Variants in DDX18 observed in about 807,000 individuals in gnomAD.
The protein encoded by DDX18 is DEAD-box helicase 18, also known as ATP-dependent RNA helicase DDX18.
DDX18 carries 23 observed loss-of-function variants against 73.5 expected under a neutral mutation model. That is an observed-to-expected ratio of 0.31 (90% CI 0.23 to 0.44). The LOEUF (loss-of-function observed/expected upper bound fraction) is 0.44. Ranked by LOEUF, DDX18 falls within the 20% of genes least tolerant of loss-of-function variation. DDX18 has a pLI of 1.00. For missense variants in DDX18, 753 were observed against 792.9 expected, an observed-to-expected ratio of 0.95 and a Z score of 0.60; for synonymous variants, 268 against 282.7, an observed-to-expected ratio of 0.95 and a Z score of 0.52.
At position 117,824,570 on chromosome 2, in the gene DDX18, A is replaced by G. The variant is rs1417066390; in HGVS notation, c.1068A>G (p.Thr356=). Residue 356 remains threonine, a splice_region_variant and synonymous_variant, in exon 8 of 14, where the codon ACA becomes ACG. Transcript: ENST00000263239. ...TATTTTTATATGTATCTGTTTCAGC[A>G]CGTAGACAGACTATGCTCTTTTCTG... The part of the protein sequence containing the change: ...ELKQIIKLLP[T]RRQTMLFSAT... 7 of 1,434,042 alleles carry G rather than the reference A, an allele frequency of 4.9e-6. No individual in the cohort carries two copies. The highest frequency in any genetic ancestry group is 6.4e-6 in the Non-Finnish European group (7 of 1,090,936). 88.8% of individuals were successfully genotyped at this position (1,434,042 alleles called of 1,614,324 possible).
At position 117,829,522 on chromosome 2, in the gene DDX18, G is replaced by A. The variant is rs878870514; in HGVS notation, c.1870+56G>A. 26 of 1,504,372 alleles carry A rather than the reference G, an allele frequency of 1.7e-5. No homozygotes were observed. The South Asian group carries it at 3.2e-4, about 19-fold the overall frequency. 93.2% of individuals were successfully genotyped at this position (1,504,372 alleles called of 1,614,324 possible). On this transcript the variant is annotated intron_variant, in intron 13 of 13. Coordinates refer to ENST00000263239, the MANE Select transcript of DDX18 (RefSeq NM_006773.4). Reference sequence around the variant, plus strand: ...GACTAAGGAACAAAAGCTTGACAGAGGGGCATTTGGGGCTTTGCAGTGGAT... The same window carrying A: ...GACTAAGGAACAAAAGCTTGACAGAAGGGCATTTGGGGCTTTGCAGTGGAT...
intron 11 of DDX18, chr2:117,827,915 A>G (rs1679960717): frequency 6.6e-6 from 1 of 152,192 alleles, no homozygotes; most frequent in South Asian, 2.1e-4. Context: ...GTCTTCCACA[A>G]TGGATGAACT....
chr2:117,823,650 CTGCCTGAT>C (rs940502556), intron 7 of DDX18, among the ~76,000 whole-genome samples: 1 of 151,604 alleles, frequency 6.6e-6, no homozygotes, highest in African/African-American at 2.4e-5. Flanking sequence ...TTTTTTTTTC[CTGCCTGAT>C]TGCCCTGGCC....
In DDX18 at chr2:117,814,700, CGGAA is replaced by C; in HGVS notation, c.-75_-72del. Reference sequence around the variant, plus strand: ...GTTGGCCGAGCTGCGCACGTGCGGCCGGAAGGGAAGTAACGTCAGCCTGAGAACT... The same window carrying C: ...GTTGGCCGAGCTGCGCACGTGCGGCCGGGAAGTAACGTCAGCCTGAGAACT... On this transcript the variant is annotated 5_prime_UTR_variant, in exon 1 of 14. Transcript: ENST00000263239. 6.8e-6 allele frequency: 10 copies of C among 1,460,310 alleles called. No homozygotes were observed. Among genetic ancestry groups the C allele is most frequent in the Non-Finnish European group, 9.5e-6 (10 of 1,056,558 alleles). 90.5% of individuals were successfully genotyped at this position (1,460,310 alleles called of 1,614,324 possible). A position where few individuals can be genotyped will look rare whatever the true frequency, so the allele number is the denominator to read the frequency against.
intron 1 of DDX18, chr2:117,815,140 C>T: frequency 2.3e-6 from 1 of 431,014 alleles, no homozygotes; most frequent in South Asian, 3.2e-5. Context: ...ACGACTAACC[C>T]TGCCTTTTGC....
chr2:117,817,032 A>G (rs191741228), intron 1 of DDX18, among the ~76,000 whole-genome samples: 29 of 152,368 alleles, frequency 1.9e-4, no homozygotes, highest in African/African-American at 6.7e-4. Context: ...AAGTGGTATG[A>G]AAAATAGTAC....
chr2:117,827,289 G>A (rs1679945675), intron 11 of DDX18: 1 of 152,148 alleles, frequency 6.6e-6, no homozygotes, highest in South Asian at 2.1e-4. Context: ...CTGCCTCCTT[G>A]TTCCCACAGC....
chr2:117,830,749 A>G lies in DDX18; in HGVS notation c.*25A>G, dbSNP rs1429653264. ...AACACATGCCTTCCTTTCATCTTGA[A>G]TAACTTTGTCCTAAAATGAATTTTT... On this transcript the variant is annotated 3_prime_UTR_variant, in exon 14 of 14. Coordinates refer to ENST00000263239, the MANE Select transcript of DDX18 (RefSeq NM_006773.4). 1.9e-6 allele frequency: 3 copies of G among 1,605,278 alleles called. No homozygotes were observed. The highest frequency in any genetic ancestry group is 2.2e-5 in the East Asian group (1 of 44,750).
chr2:117,823,378 T>C (rs938601606), intron 7 of DDX18, among the ~76,000 whole-genome samples: 6 of 152,186 alleles, frequency 3.9e-5, no homozygotes, highest in African/African-American at 1.4e-4. Context: ...TTCACATCTT[T>C]TGTCAGATTT....
rs539224658 is a variant in DDX18 at position 117,824,168 on chromosome 2, A to G, written c.1067-401A>G. Among the ~76,000 whole-genome samples the G allele has an allele frequency of 2.0e-5, 3 of 152,346 alleles. No homozygotes were observed. The East Asian group carries it at 5.8e-4, about 29-fold the overall frequency. On this transcript the variant is annotated intron_variant, in intron 7 of 13. Coordinates refer to ENST00000263239, the MANE Select transcript of DDX18 (RefSeq NM_006773.4). ...GACTGACTTCGAAGAATGAGTTGACATGTAAGCCCTCTTTTTAATTTATTG... is the reference window on the plus strand; with the variant it reads ...GACTGACTTCGAAGAATGAGTTGACGTGTAAGCCCTCTTTTTAATTTATTG...
rs1421308602 is a variant in DDX18, at chr2:117,817,652, A to G, written c.294A>G (p.Ala98=). The change falls in exon 2 of 14, where the codon GCA becomes GCG. Residue 98 remains alanine (A), a synonymous_variant. Transcript: ENST00000263239. ...CCACTGTATTAACCAATGGAGAAGC[A>G]GCAATGCAGTCTTCCAATTCAGAAT... The part of the protein sequence containing the change: ...QKSTVLTNGE[A]AMQSSNSESK... 2 of 1,613,022 alleles carry G rather than the reference A, an allele frequency of 1.2e-6. No homozygotes were observed. The highest frequency in any genetic ancestry group is 1.7e-6 in the Non-Finnish European group (2 of 1,179,728).
Position 117,817,594 on chromosome 2 carries a change from G to T in DDX18, c.236G>T (p.Gly79Val). Residue 79 changes from glycine (G) to valine (V), a missense_variant, in exon 2 of 14, where the codon GGA becomes GTA. Physicochemically the swap from Gly to Val is moderately radical, Grantham distance 109. Around this residue, in one of 3 missense-constraint regions of DDX18, gnomAD observed 345 missense variants for 352.0 expected, o/e 0.98. Transcript: ENST00000263239. ...QNGGMSQEAV[G>V]NIKVTKSPQK... Reference sequence around the variant, plus strand: ...GGAGGCATGTCTCAAGAAGCAGTGGGAAATATAAAAGTTACAAAGTCTCCC... The same window carrying T: ...GGAGGCATGTCTCAAGAAGCAGTGGTAAATATAAAAGTTACAAAGTCTCCC... The T allele has an allele frequency of 1.9e-6, 3 of 1,613,934 alleles. No individual in the cohort carries two copies. In the African/African-American group the frequency reaches 4.0e-5, roughly 22 times the overall value.
chr2:117,826,084 T>C (rs1679922679), intron 10 of DDX18, 185 bp from the exon 11 acceptor site: 1 of 179,916 alleles, frequency 5.6e-6, no homozygotes, highest in Admixed American at 7.2e-5. Flanking sequence ...ATTGGCCTAT[T>C]GGGGGTGATG....
intron 3 of DDX18, among the ~76,000 whole-genome samples, chr2:117,820,038 T>C (rs1163773279): frequency 6.6e-6 from 1 of 152,254 alleles, no homozygotes; most frequent in East Asian, 1.9e-4. Flanking sequence ...ATATGCACAC[T>C]AGCAGCTTCT....
Position 117,829,023 on chromosome 2 carries a change from G to A in DDX18, c.1692+18G>A, listed in dbSNP as rs746700355. ...AGTCTCAGGTATGTGCTTTTTAAAC[G>A]TTTGTGAGTAAACAGGAACCTTGTC... is the stretch of plus-strand genomic sequence containing the variant. On this transcript the variant is annotated intron_variant, in intron 12 of 13. Coordinates refer to ENST00000263239, the MANE Select transcript of DDX18 (RefSeq NM_006773.4). 1.9e-5 allele frequency: 30 copies of A among 1,603,726 alleles called. No individual in the cohort carries two copies. Among genetic ancestry groups the A allele is most frequent in the African/African-American group, 4.0e-5 (3 of 74,670 alleles).
rs375708133 is a variant in DDX18 at position 117,817,402 on chromosome 2, TCTC to T, written c.86-39_86-37del. The T allele has an allele frequency of 1.5e-4, 221 of 1,516,322 alleles. No individual in the cohort carries two copies. In the East Asian group the frequency reaches 1.5e-3, roughly 10 times the overall value. 93.9% of individuals were successfully genotyped at this position (1,516,322 alleles called of 1,614,324 possible). A position where few individuals can be genotyped will look rare whatever the true frequency, so the allele number is the denominator to read the frequency against. ...GGATTTCAGTGTTTCTAAGTAAACTTCTCCTTCTTTGTCACAGTATATGTTCTG... is the reference window on the plus strand; with the variant it reads ...GGATTTCAGTGTTTCTAAGTAAACTTCTTCTTTGTCACAGTATATGTTCTG... On this transcript the variant is annotated intron_variant, in intron 1 of 13. Coordinates refer to ENST00000263239, the MANE Select transcript of DDX18 (RefSeq NM_006773.4).
chr2:117,821,760 C>T lies in DDX18; in HGVS notation c.751+10C>T. ...TTCATGCCCAGGAATGGTAAGCGTT[C>T]ATCTGCTTGTTTCTGCCATTATTTC... On this transcript the variant is annotated intron_variant, in intron 5 of 13. Coordinates refer to ENST00000263239, the MANE Select transcript of DDX18 (RefSeq NM_006773.4). 1 of 1,613,840 alleles carries T rather than the reference C, an allele frequency of 6.2e-7. No homozygotes were observed. The highest frequency in any genetic ancestry group is 1.6e-4 in the Middle Eastern group (1 of 6,062).
At chr2:117,825,238 G>T (rs190139754) in intron 9 of DDX18, 137 bp downstream of exon 9, 11 of 1,276,400 alleles carry the variant, frequency 8.6e-6, no homozygotes, top group South Asian at 2.9e-5. Flanking sequence ...GATCCTGTGT[G>T]GGGGAGCGCT....
Position 117,814,897 on chromosome 2 carries a change from C to T in DDX18, c.85+35C>T, listed in dbSNP as rs376931298. The T allele has an allele frequency of 1.7e-5, 27 of 1,611,278 alleles. No individual in the cohort carries two copies. The African/African-American group carries it at 3.5e-4, about 21-fold the overall frequency. On this transcript the variant is annotated intron_variant, in intron 1 of 13. Transcript: ENST00000263239. ...GTTGACTCGCGGTGGCTCAGAAGACCCACGCGCGAGCCCTGGCGCGTTCGG... is the reference window on the plus strand; with the variant it reads ...GTTGACTCGCGGTGGCTCAGAAGACTCACGCGCGAGCCCTGGCGCGTTCGG...
Sources: allele counts gnomAD v4.1 joint callset (sites outside exome capture counted in the v4.1 genomes callset), GRCh38; gene constraint gnomAD v4.1.1; regional missense constraint gnomAD v4.1.1; transcripts MANE v1.5; gene names NCBI Gene and HGNC (gene_info 2026-07-23, HGNC 2026-07-21).